Variants in CREB1 observed in about 807,000 individuals in gnomAD.
CREB1 encodes the protein cyclic AMP-responsive element-binding protein 1.
Under a neutral mutation model 42.0 loss-of-function variants are expected in CREB1, and 2 were observed. That is an observed-to-expected ratio of 0.05 (90% CI 0.02 to 0.15). The LOEUF (loss-of-function observed/expected upper bound fraction) is 0.15, where lower values mean the gene tolerates loss of function less well. Among genes scored for constraint, CREB1 ranks in the 10% least tolerant of loss-of-function variants. The pLI is 1.00. For synonymous variants in CREB1, 123 were observed against 139.9 expected, an observed-to-expected ratio of 0.88 and a Z score of 0.85; for missense variants, 199 against 388.9, an observed-to-expected ratio of 0.51 and a Z score of 4.11.
At position 207,603,063 on chromosome 2, in the gene CREB1, C is replaced by T. The variant is rs1435936110; in HGVS notation, c.*6005C>T. 9.4e-6 allele frequency: 2 copies of T among 211,942 alleles called. No individual in the cohort carries two copies. The highest frequency in any genetic ancestry group is 2.3e-5 in the African/African-American group (1 of 44,152). 13.1% of individuals were successfully genotyped at this position (211,942 alleles called of 1,614,324 possible). On this transcript the variant is annotated 3_prime_UTR_variant, in exon 8 of 8. Coordinates refer to ENST00000353267, the MANE Select transcript of CREB1 (RefSeq NM_004379.5). ...CACAAAACAGGGTATTGATTTTTAACTCTGATGTTTCTATTGGAGTTGAAT... is the reference window on the plus strand; with the variant it reads ...CACAAAACAGGGTATTGATTTTTAATTCTGATGTTTCTATTGGAGTTGAAT...
rs193050247 is a variant in CREB1, at chr2:207,583,333, G to A, written c.839+5678G>A. Among the ~76,000 whole-genome samples the A allele has an allele frequency of 7.9e-5, 12 of 152,162 alleles. No homozygotes were observed. In the East Asian group the frequency reaches 1.9e-3, roughly 24 times the overall value. ...ATATCTGACTCTAAGCTTTAACCAC[G>A]TGGCTCATTTTAGACTTCTCTTTGC... is the stretch of plus-strand genomic sequence containing the variant. On this transcript the variant is annotated intron_variant, in intron 7 of 7. Coordinates refer to ENST00000353267, the MANE Select transcript of CREB1 (RefSeq NM_004379.5).
Position 207,604,608 on chromosome 2 carries a change from A to G in CREB1, c.*7550A>G, listed in dbSNP as rs985690105. ...TTATCCTTGTTTTTAATTAAGATGCAATTCACATAAATTAACTTTTTAAGT... is the reference window on the plus strand; with the variant it reads ...TTATCCTTGTTTTTAATTAAGATGCGATTCACATAAATTAACTTTTTAAGT... On this transcript the variant is annotated 3_prime_UTR_variant, in exon 8 of 8. Coordinates refer to ENST00000353267, the MANE Select transcript of CREB1 (RefSeq NM_004379.5). Among the ~76,000 whole-genome samples, 1 of 152,254 alleles carries G rather than the reference A, an allele frequency of 6.6e-6. No individual in the cohort carries two copies. The highest frequency in any genetic ancestry group is 1.5e-5 in the Non-Finnish European group (1 of 68,042).
intron 7 of CREB1, among the ~76,000 whole-genome samples, chr2:207,588,349 A>G (rs370126212): frequency 4.0e-5 from 6 of 151,776 alleles, no homozygotes; most frequent in African/African-American, 1.5e-4. Context: ...TTAATTGACC[A>G]TATTTGTGTG....
At chr2:207,576,241 C>CTTTTTTTTTTTTTTTTTTTTTTTTTTT (rs35735523) in intron 6 of CREB1, among the ~76,000 whole-genome samples, 4 of 101,068 alleles carry the variant, frequency 4.0e-5, no homozygotes, top group Non-Finnish European at 5.8e-5. Flanking sequence ...CTTTTTTTGG[C>CTTTTTTTTTTTTTTTTTTTTTTTTTTT]TTTTTTTTTT....
At chr2:207,582,011 C>T (rs1015134519) in intron 7 of CREB1, 3 of 698,500 alleles carry the variant, frequency 4.3e-6, no homozygotes, top group Non-Finnish European at 7.8e-6. Flanking sequence ...GTGCCTTTCT[C>T]ATAACATCAC....
intron 1 of CREB1, among the ~76,000 whole-genome samples, chr2:207,542,357 T>C (rs2081130343): frequency 6.6e-6 from 1 of 152,220 alleles, no homozygotes; most frequent in Non-Finnish European, 1.5e-5. Flanking sequence ...ATTTCAATTA[T>C]AGCCATTCTA....
intron 1 of CREB1, among the ~76,000 whole-genome samples, chr2:207,539,965 T>G (rs1206050656): frequency 1.3e-5 from 2 of 152,204 alleles, no homozygotes; most frequent in Non-Finnish European, 2.9e-5. Flanking sequence ...TTGAGTTTCA[T>G]GTAAGAGAAG....
At chr2:207,563,325 T>A (rs1232379190) in intron 3 of CREB1, among the ~76,000 whole-genome samples, 1 of 152,224 alleles carries the variant, frequency 6.6e-6, no homozygotes, top group Non-Finnish European at 1.5e-5. Flanking sequence ...ACCCTAGGAA[T>A]AGAACTTTGT....
At chr2:207,588,986 A>T (rs1002955056) in intron 7 of CREB1, among the ~76,000 whole-genome samples, 17 of 151,468 alleles carry the variant, frequency 1.1e-4, no homozygotes, top group Admixed American at 9.9e-4. Context: ...ATGCCTTTTA[A>T]TTTTTTTTCC....
chr2:207,596,927 G>C lies in CREB1; in HGVS notation c.853G>C (p.Glu285Gln). Residue 285 changes from glutamate (E) to glutamine (Q), a missense_variant, in exon 8 of 8, where the codon GAG (glutamate) becomes CAG (glutamine). Physicochemically the swap from Glu to Gln is conservative, Grantham distance 29. This residue lies in a region of CREB1 where 14 missense variants were observed against 93.0 expected (regional missense o/e 0.15). Coordinates refer to ENST00000353267, the MANE Select transcript of CREB1 (RefSeq NM_004379.5). ...RLMKNREAAR[E>Q]CRRKKKEYVK... ...TTTTGCTTGTAGGGAAGCAGCTCGA[G>C]AGTGTCGTAGAAAGAAGAAAGAATA... is the stretch of plus-strand genomic sequence containing the variant. 1 of 1,609,308 alleles carries C rather than the reference G, an allele frequency of 6.2e-7. No homozygotes were observed.
intron 7 of CREB1, among the ~76,000 whole-genome samples, chr2:207,579,690 C>T (rs780589298): frequency 3.9e-5 from 6 of 152,120 alleles, no homozygotes; most frequent in African/African-American, 1.2e-4. Flanking sequence ...AAGGAAACTT[C>T]TCATTGATTC....
At position 207,600,260 on chromosome 2, in the gene CREB1, T is replaced by TATATATAC. The variant is rs1553513631; in HGVS notation, c.*3205_*3206insTATACATA. The TATATATAC allele has an allele frequency of 6.2e-6, 1 of 161,642 alleles. No homozygotes were observed. The highest frequency in any genetic ancestry group is 1.3e-5 in the Non-Finnish European group (1 of 75,446). The allele number at this position is 161,642 out of a possible 1,614,324, so 10.0% of individuals were successfully genotyped here. On this transcript the variant is annotated 3_prime_UTR_variant, in exon 8 of 8. Coordinates refer to ENST00000353267, the MANE Select transcript of CREB1 (RefSeq NM_004379.5). ...GTACATATATATATATATATATATA[T>TATATATAC]ATACATACAGTATATAATCTAAAGC... is the stretch of plus-strand genomic sequence containing the variant.
chr2:207,565,034 G>A (rs999788451), intron 3 of CREB1, among the ~76,000 whole-genome samples: 3 of 147,274 alleles, frequency 2.0e-5, no homozygotes, highest in African/African-American at 7.5e-5. Flanking sequence ...TGTGGGTCCA[G>A]TATGTTTTTT....
At chr2:207,595,555 A>G (rs1437398402) in intron 7 of CREB1, among the ~76,000 whole-genome samples, 1 of 151,858 alleles carries the variant, frequency 6.6e-6, no homozygotes, top group East Asian at 1.9e-4. Flanking sequence ...GACTACACGC[A>G]CACACCACCT....
In CREB1 at chr2:207,603,216, G is replaced by T. The variant is rs2087409275; in HGVS notation, c.*6158G>T. On this transcript the variant is annotated 3_prime_UTR_variant, in exon 8 of 8. Coordinates refer to ENST00000353267, the MANE Select transcript of CREB1 (RefSeq NM_004379.5). ...TTATGTGTAAAGAAAAAAATGTACT[G>T]AGTTACAATGCATTTTATTAACACT... 1 of 217,518 alleles carries T rather than the reference G, an allele frequency of 4.6e-6. No homozygotes were observed. The highest frequency in any genetic ancestry group is 5.8e-5 in the Admixed American group (1 of 17,282). The allele number at this position is 217,518 out of a possible 1,614,324, so 13.5% of individuals were successfully genotyped here. A position where few individuals can be genotyped will look rare whatever the true frequency, so the allele number is the denominator to read the frequency against.
intron 7 of CREB1, chr2:207,578,075 G>A (rs1357997377): frequency 6.1e-6 from 1 of 163,386 alleles, no homozygotes; most frequent in African/African-American, 2.4e-5. Flanking sequence ...ATGTATGGTG[G>A]CCAGTTCATG....
At chr2:207,532,172 T>G (rs938427189) in intron 1 of CREB1, among the ~76,000 whole-genome samples, 3 of 151,180 alleles carry the variant, frequency 2.0e-5, no homozygotes, top group Admixed American at 6.6e-5. Flanking sequence ...CTGGCCAACA[T>G]GATGAAACCC....
At chr2:207,548,740 ACT>A in intron 1 of CREB1, among the ~76,000 whole-genome samples, 1 of 151,172 alleles carries the variant, frequency 6.6e-6, no homozygotes, top group Admixed American at 6.6e-5. Context: ...AATGAGCAAA[ACT>A]CTGTCCCCGC....
rs1441642643 is a variant in CREB1, at chr2:207,600,557, A to G, written c.*3499A>G. Reference sequence around the variant, plus strand: ...TTTGTATGCTTTGTCTGTGGCAGCTATAACAGTGGTAAGAACATTTTGAAG... The same window carrying G: ...TTTGTATGCTTTGTCTGTGGCAGCTGTAACAGTGGTAAGAACATTTTGAAG... On this transcript the variant is annotated 3_prime_UTR_variant, in exon 8 of 8. Transcript: ENST00000353267. The G allele has an allele frequency of 4.7e-6, 1 of 211,382 alleles. No homozygotes were observed. Among genetic ancestry groups the G allele is most frequent in the Non-Finnish European group, 9.6e-6 (1 of 104,256 alleles). 13.1% of individuals were successfully genotyped at this position (211,382 alleles called of 1,614,324 possible). A position where few individuals can be genotyped will look rare whatever the true frequency, so the allele number is the denominator to read the frequency against.
Sources: gnomAD v4.1 joint callset for allele counts (sites outside exome capture counted in the v4.1 genomes callset) on GRCh38, gnomAD v4.1.1 for gene constraint, gnomAD v4.1.1 regional missense constraint, MANE v1.5 for transcripts, NCBI Gene and HGNC (gene_info 2026-07-23, HGNC 2026-07-21) for gene names.